The following POU2F2 variants were observed in gnomAD, a reference collection of about 807,000 sequenced individuals.
The protein encoded by POU2F2 is POU class 2 homeobox 2.
A neutral mutation model predicts 63.5 loss-of-function variants in POU2F2; 14 were observed. The ratio of observed to expected loss-of-function variants is 0.22; its 90% CI spans 0.15 to 0.34. The LOEUF (loss-of-function observed/expected upper bound fraction) is 0.34, where lower values mean the gene tolerates loss of function less well. POU2F2 is among the 10% of genes least tolerant of loss of function. The probability of loss-of-function intolerance (pLI) is 1.00; values close to 1 mark genes in which losing one functional copy is unlikely to be tolerated. For synonymous variants in POU2F2, 306 were observed against 348.6 expected, an observed-to-expected ratio of 0.88 and a Z score of 1.36; for missense variants, 607 against 815.2, an observed-to-expected ratio of 0.74 and a Z score of 3.11.
At chr19:42,145,000 C>T (rs558713295) in intron 2 of POU2F2, among the ~76,000 whole-genome samples, 1 of 152,192 alleles carries the variant, frequency 6.6e-6, no homozygotes, top group Non-Finnish European at 1.5e-5. Flanking sequence ...AGTTAAGTCC[C>T]AGCTGTGGGG....
At chr19:42,133,124 G>A (rs2033877210), upstream of POU2F2, 1 of 152,252 alleles carries the variant, frequency 6.6e-6, no homozygotes, top group Non-Finnish European at 1.5e-5. The surrounding 1 kb of genome is among the most constrained non-coding windows in gnomAD (Gnocchi z 5.1). Flanking sequence ...GCTACAATAA[G>A]TCGCCGGCCA....
intron 1 of POU2F2, among the ~76,000 whole-genome samples, chr19:42,188,412 T>C (rs1170648978): frequency 1.3e-5 from 2 of 150,716 alleles, no homozygotes; most frequent in East Asian, 3.9e-4. Flanking sequence ...GGCTCACGCC[T>C]GTAATCCCAA....
rs2034365358 is a variant in POU2F2 at position 42,152,198 on chromosome 19, A to G, written c.-9+8134T>C. 6.6e-6 allele frequency among the ~76,000 whole-genome samples: 1 copy of G among 152,144 alleles called. No individual in the cohort carries two copies. The highest frequency in any genetic ancestry group is 1.5e-5 in the Non-Finnish European group (1 of 68,020). ...AGCCCCCATGCCCACAGGGATATGG[A>G]GCCTCCAAAGAGACAGAAGGAAACA... On this transcript the variant is annotated intron_variant, in intron 2 of 6. Transcript: ENST00000524801. The surrounding 1 kb of genome is among the most constrained non-coding windows in gnomAD (Gnocchi z 4.1).
Position 42,096,377 on chromosome 19 carries a change from TC to T in POU2F2, c.568-135del. On this transcript the variant is annotated intron_variant, in intron 7 of 14. Transcript: ENST00000692977. The surrounding 1 kb of genome is among the most constrained non-coding windows in gnomAD (Gnocchi z 4.1). ...CGCCTGCAGACTCCCCCCGCCTTCC[TC>T]CACAAGCACCGTCAATCCCTTTAAA... 1.1e-6 allele frequency: 1 copy of T among 930,050 alleles called. No homozygotes were observed. Among genetic ancestry groups the T allele is most frequent in the Non-Finnish European group, 1.6e-6 (1 of 637,450 alleles). The allele number at this position is 930,050 out of a possible 1,614,324, so 57.6% of individuals were successfully genotyped here.
intron 1 of POU2F2, among the ~76,000 whole-genome samples, chr19:42,185,690 A>G (rs2035005321): frequency 6.6e-6 from 1 of 152,154 alleles, no homozygotes; most frequent in Admixed American, 6.5e-5. Flanking sequence ...GTAAACCTCC[A>G]GTTCATCCAT....
intron 1 of POU2F2, among the ~76,000 whole-genome samples, chr19:42,170,600 T>A (rs1403648823): frequency 6.6e-6 from 1 of 151,968 alleles, no homozygotes; most frequent in Admixed American, 6.5e-5. Flanking sequence ...AGCAAACACA[T>A]ACACAAAGGC....
At chr19:42,116,552 C>G (rs1432610102) in intron 5 of POU2F2, among the ~76,000 whole-genome samples, 7 of 152,286 alleles carry the variant, frequency 4.6e-5, no homozygotes, top group Admixed American at 4.6e-4. Flanking sequence ...GATGGGACAG[C>G]AACATCTTCC....
At chr19:42,135,743 T>C (rs1365741556), upstream of POU2F2, among the ~76,000 whole-genome samples, 2 of 151,514 alleles carry the variant, frequency 1.3e-5, no homozygotes, top group Non-Finnish European at 2.9e-5. Context: ...AGTCTCACTC[T>C]GTCGCTCAGG....
chr19:42,174,601 C>T (rs76495763), intron 1 of POU2F2, among the ~76,000 whole-genome samples: 1 of 152,016 alleles, frequency 6.6e-6, no homozygotes, highest in Non-Finnish European at 1.5e-5. Flanking sequence ...CACGATTCTA[C>T]ACCTTTGGCT....
rs1397814502 is a variant in POU2F2 at position 42,092,977 on chromosome 19, ATG to A, written c.1265-709_1265-708del. ...TATATATATTATGCATATATATATT[ATG>A]TGTGTGTGTATATATATATATATAT... On this transcript the variant is annotated intron_variant, in intron 12 of 14. Coordinates refer to ENST00000692977, the MANE Select transcript of POU2F2 (RefSeq NM_001394376.1). The surrounding 1 kb of genome is among the most constrained non-coding windows in gnomAD (Gnocchi z 5.0). Among the ~76,000 whole-genome samples the A allele has an allele frequency of 5.2e-5, 6 of 115,772 alleles. No individual in the cohort carries two copies. Among genetic ancestry groups the A allele is most frequent in the Admixed American group, 9.2e-5 (1 of 10,870 alleles). 76.0% of individuals were successfully genotyped at this position (115,772 alleles called of 152,430 possible).
chr19:42,114,850 C>T (rs2031637491), intron 5 of POU2F2, among the ~76,000 whole-genome samples: 1 of 152,174 alleles, frequency 6.6e-6, no homozygotes, highest in Non-Finnish European at 1.5e-5. Context: ...TATTGAAAGG[C>T]TACATCTGGG....
intron 1 of POU2F2, among the ~76,000 whole-genome samples, chr19:42,123,794 C>G (rs1600130671): frequency 6.6e-6 from 1 of 152,142 alleles, no homozygotes; most frequent in Non-Finnish European, 1.5e-5. Flanking sequence ...TGGGCTTCAG[C>G]CTGACCCATC....
intron 1 of POU2F2, among the ~76,000 whole-genome samples, chr19:42,125,432 T>C (rs2033109320): frequency 1.3e-5 from 2 of 151,144 alleles, no homozygotes. Context: ...GCTACCAGAG[T>C]TCAGGTCCTG....
At chr19:42,167,058 C>T (rs2034666934) in intron 1 of POU2F2, among the ~76,000 whole-genome samples, 1 of 152,254 alleles carries the variant, frequency 6.6e-6, no homozygotes, top group East Asian at 1.9e-4. Flanking sequence ...AAAGTCCCTG[C>T]CATCGTGGAA....
At chr19:42,165,432 A>T (rs2034631786) in intron 1 of POU2F2, among the ~76,000 whole-genome samples, 1 of 152,228 alleles carries the variant, frequency 6.6e-6, no homozygotes, top group African/African-American at 2.4e-5. Flanking sequence ...GGATTTTCCC[A>T]GAGCTACTCA....
At chr19:42,138,982 G>GT (rs2034073461) in intron 2 of POU2F2, among the ~76,000 whole-genome samples, 1 of 152,180 alleles carries the variant, frequency 6.6e-6, no homozygotes, top group Admixed American at 6.5e-5. Flanking sequence ...TTCGCCTCAT[G>GT]TAAGAAAAGA....
At chr19:42,126,287 AC>A (rs2033190037) in intron 1 of POU2F2, among the ~76,000 whole-genome samples, 2 of 152,058 alleles carry the variant, frequency 1.3e-5, no homozygotes, top group South Asian at 4.1e-4. Flanking sequence ...TACTAAAAAT[AC>A]AAAAATTAGC....
chr19:42,100,671 A>T (rs2077102860), intron 5 of POU2F2, among the ~76,000 whole-genome samples: 1 of 151,986 alleles, frequency 6.6e-6, no homozygotes, highest in South Asian at 2.1e-4. Context: ...GAATTGCTTG[A>T]ACCTAGGAGG....
chr19:42,163,294 G>C (rs757433128), intron 1 of POU2F2, among the ~76,000 whole-genome samples: 1 of 152,090 alleles, frequency 6.6e-6, no homozygotes, highest in Non-Finnish European at 1.5e-5. Context: ...AGAAGAACAG[G>C]AGGGAGTGTG....
Sources: gnomAD v4.1 joint callset for allele counts (sites outside exome capture counted in the v4.1 genomes callset) on GRCh38, gnomAD v4.1.1 for gene constraint, Gnocchi (gnomAD v3.1) non-coding constraint, MANE v1.5 for transcripts, NCBI Gene and HGNC (gene_info 2026-07-23, HGNC 2026-07-21) for gene names.